Variants in FIRRM observed in about 807,000 individuals in gnomAD.
The protein encoded by FIRRM is FIGNL1 interacting regulator of recombination and mitosis.
At chr1:169,797,990 G>T in the FIRRM span, among the ~76,000 whole-genome samples, 1 of 152,200 alleles carries the variant, frequency 6.6e-6, no homozygotes. Flanking sequence ...ATGTGCAGAA[G>T]AATTTCAGTC....
At chr1:169,796,662 C>A in the FIRRM span, among the ~76,000 whole-genome samples, 1 of 152,174 alleles carries the variant, frequency 6.6e-6, no homozygotes, top group African/African-American at 2.4e-5. Flanking sequence ...ACTCATAATT[C>A]ATTATTCCAA....
At chr1:169,810,534 C>T in the FIRRM span, among the ~76,000 whole-genome samples, 1 of 151,998 alleles carries the variant, frequency 6.6e-6, no homozygotes, top group Non-Finnish European at 1.5e-5. Context: ...CTTTGGCTTT[C>T]TGTGTCTTCA....
At chr1:169,839,904 T>G in the FIRRM span, among the ~76,000 whole-genome samples, 1 of 152,218 alleles carries the variant, frequency 6.6e-6, no homozygotes, top group Non-Finnish European at 1.5e-5. Flanking sequence ...TTTTTGTATA[T>G]GCTGAAAGGT....
the FIRRM span, among the ~76,000 whole-genome samples, chr1:169,833,558 A>C: frequency 6.6e-6 from 1 of 152,214 alleles, no homozygotes; most frequent in Non-Finnish European, 1.5e-5. Flanking sequence ...TACATGCAAA[A>C]CAGGATAGTG....
chr1:169,841,183 C>T, the FIRRM span, among the ~76,000 whole-genome samples: 1 of 152,112 alleles, frequency 6.6e-6, no homozygotes, highest in African/African-American at 2.4e-5. Flanking sequence ...TTATCAAAAG[C>T]TTTTTCCATA....
the FIRRM span, among the ~76,000 whole-genome samples, chr1:169,831,330 C>T: frequency 6.6e-6 from 1 of 152,006 alleles, no homozygotes; most frequent in Middle Eastern, 3.2e-3. Context: ...TGATTATGAC[C>T]TATTTGTTAC....
the FIRRM span, among the ~76,000 whole-genome samples, chr1:169,787,724 A>G: frequency 2.6e-5 from 4 of 152,202 alleles, no homozygotes; most frequent in African/African-American, 9.7e-5. Context: ...CTGCTGCACA[A>G]TGAGATTACT....
At chr1:169,808,804 G>T in the FIRRM span, among the ~76,000 whole-genome samples, 1 of 152,098 alleles carries the variant, frequency 6.6e-6, no homozygotes, top group Non-Finnish European at 1.5e-5. Flanking sequence ...TCGCCATGTT[G>T]GCCAGGCTGG....
At chr1:169,845,154 C>T in the FIRRM span, among the ~76,000 whole-genome samples, 1 of 151,974 alleles carries the variant, frequency 6.6e-6, no homozygotes, top group African/African-American at 2.4e-5. Flanking sequence ...GTGAGTGAGT[C>T]ACATGAATTT....
the FIRRM span, among the ~76,000 whole-genome samples, chr1:169,790,306 C>A: frequency 1.2e-4 from 18 of 152,218 alleles, no homozygotes; most frequent in Non-Finnish European, 5.9e-5. Flanking sequence ...CTTGTCCCAG[C>A]CTCTCTAATA....
the FIRRM span, among the ~76,000 whole-genome samples, chr1:169,802,356 A>T: frequency 6.2e-4 from 94 of 152,268 alleles, no homozygotes; most frequent in African/African-American, 1.7e-3. Context: ...GTGATTTTTT[A>T]AAAAAATTGA....
chr1:169,792,746 C>A, the FIRRM span: 6 of 1,613,836 alleles, frequency 3.7e-6, no homozygotes, highest in Non-Finnish European at 5.1e-6. Flanking sequence ...AAGTACACGT[C>A]CATTTTTACT....
the FIRRM span, chr1:169,829,558 T>G: frequency 9.8e-7 from 1 of 1,024,454 alleles, no homozygotes; most frequent in Admixed American, 2.8e-5. Flanking sequence ...GTATATTCCT[T>G]TTGAGTGAAA....
the FIRRM span, among the ~76,000 whole-genome samples, chr1:169,814,409 A>G: frequency 6.6e-6 from 1 of 152,210 alleles, no homozygotes; most frequent in South Asian, 2.1e-4. Context: ...TATTTTCTAT[A>G]TATTCAGTAT....
chr1:169,791,804 G>A, the FIRRM span, among the ~76,000 whole-genome samples: 2 of 152,272 alleles, frequency 1.3e-5, no homozygotes, highest in Admixed American at 6.5e-5. Context: ...CAGTTTTACT[G>A]TTCTTATAGA....
At chr1:169,818,231 T>G in the FIRRM span, among the ~76,000 whole-genome samples, 1 of 152,238 alleles carries the variant, frequency 6.6e-6, no homozygotes, top group African/African-American at 2.4e-5. Context: ...TAAGGAATTC[T>G]AATTATGTAC....
At chr1:169,801,934 T>G in the FIRRM span, among the ~76,000 whole-genome samples, 4 of 152,222 alleles carry the variant, frequency 2.6e-5, no homozygotes, top group African/African-American at 7.2e-5. Flanking sequence ...AGAAAAAGAT[T>G]CAACTGTTAC....
At chr1:169,818,052 T>C in the FIRRM span, among the ~76,000 whole-genome samples, 1 of 152,182 alleles carries the variant, frequency 6.6e-6, no homozygotes, top group East Asian at 1.9e-4. Context: ...CCCCCTTTAA[T>C]CTAGGTCAAA....
chr1:169,840,929 G>A, the FIRRM span, among the ~76,000 whole-genome samples: 1 of 152,108 alleles, frequency 6.6e-6, no homozygotes, highest in African/African-American at 2.4e-5. Context: ...TCGTACTTGT[G>A]TGCTGCTTTT....
Sources: allele counts gnomAD v4.1 joint callset (sites outside exome capture counted in the v4.1 genomes callset), GRCh38; gene constraint gnomAD v4.1.1; transcripts MANE v1.5; gene names NCBI Gene and HGNC (gene_info 2026-07-23, HGNC 2026-07-21).